The following TRDN variants were observed in gnomAD, a reference collection of about 807,000 sequenced individuals.
TRDN encodes the protein triadin.
In TRDN, 161 loss-of-function variants were observed where a neutral mutation model predicts 149.7. The ratio of observed to expected loss-of-function variants is 1.08; its 90% CI spans 0.95 to 1.23. The LOEUF is 1.23. Among genes scored for constraint, TRDN ranks in the 50% most tolerant of loss-of-function variants. The pLI is 0.00. For synonymous variants in TRDN, 294 were observed against 250.5 expected (o/e 1.17, Z -1.64); for missense variants, 896 against 823.5 (o/e 1.09, Z -1.08).
At position 123,331,817 on chromosome 6, in the gene TRDN, C is replaced by A. The variant is rs1028980382; in HGVS notation, c.1471+62G>T. 4.4e-5 allele frequency: 50 copies of A among 1,130,254 alleles called. No individual in the cohort carries two copies. The African/African-American group carries it at 7.7e-4, about 17-fold the overall frequency. 70.0% of individuals were successfully genotyped at this position (1,130,254 alleles called of 1,614,324 possible). On this transcript the variant is annotated intron_variant, in intron 23 of 40. Coordinates refer to ENST00000334268, the MANE Select transcript of TRDN (RefSeq NM_006073.4). The stretch of plus-strand genomic sequence containing the variant: ...AATGAAATGATTCATTACTTTGTTG[C>A]AAATAACTGAATATGCAAAAGGCAG...
chr6:123,362,120 G>A (rs1780932209), intron 20 of TRDN, among the ~76,000 whole-genome samples: 1 of 152,000 alleles, frequency 6.6e-6, no homozygotes, highest in Admixed American at 6.6e-5. Flanking sequence ...GAACGCTATT[G>A]TCATTAAATT....
intron 38 of TRDN, among the ~76,000 whole-genome samples, chr6:123,243,646 T>C (rs1433376061): frequency 6.6e-6 from 1 of 151,634 alleles, no homozygotes; most frequent in African/African-American, 2.4e-5. Flanking sequence ...ACAAAACACA[T>C]TGGAAACCTT....
At chr6:123,629,996 A>C (rs946245944) in intron 1 of TRDN, among the ~76,000 whole-genome samples, 1 of 152,072 alleles carries the variant, frequency 6.6e-6, no homozygotes, top group African/African-American at 2.4e-5. Flanking sequence ...TAAAAAACCA[A>C]GCCTGTCATT....
intron 19 of TRDN, among the ~76,000 whole-genome samples, chr6:123,366,540 G>A (rs976658839): frequency 1.3e-5 from 2 of 151,232 alleles, no homozygotes; most frequent in African/African-American, 4.9e-5. Context: ...TTTTTTAAAC[G>A]GAGATTGGCT....
chr6:123,388,572 T>G (rs1197537717), intron 13 of TRDN, 21 bp from the exon 14 acceptor site: 7 of 1,575,838 alleles, frequency 4.4e-6, no homozygotes, highest in Admixed American at 1.8e-5. Context: ...GAAAATAGCG[T>G]TAAGGCATAT....
At chr6:123,583,050 G>C (rs1266386995) in intron 1 of TRDN, among the ~76,000 whole-genome samples, 1 of 152,128 alleles carries the variant, frequency 6.6e-6, no homozygotes, top group African/African-American at 2.4e-5. Flanking sequence ...AGGTATAAAA[G>C]GTCTAAGAAT....
intron 7 of TRDN, among the ~76,000 whole-genome samples, chr6:123,510,689 G>A (rs911670928): frequency 6.7e-6 from 1 of 149,116 alleles, no homozygotes; most frequent in Non-Finnish European, 1.5e-5. Context: ...TGTTGCCCAG[G>A]CCGGAGTGCA....
intron 24 of TRDN, among the ~76,000 whole-genome samples, chr6:123,286,324 C>T (rs1391885267): frequency 6.6e-6 from 1 of 151,856 alleles, no homozygotes; most frequent in Non-Finnish European, 1.5e-5. Flanking sequence ...ATAGGTCGGG[C>T]ATGGTGGAAT....
At chr6:123,342,517 A>G (rs1780101962) in intron 21 of TRDN, among the ~76,000 whole-genome samples, 1 of 151,928 alleles carries the variant, frequency 6.6e-6, no homozygotes. Context: ...ACGTATAATG[A>G]TAAAGCATTA....
chr6:123,480,026 A>G (rs1424707496), intron 9 of TRDN, among the ~76,000 whole-genome samples: 3 of 152,076 alleles, frequency 2.0e-5, no homozygotes. Flanking sequence ...TCTTTTTTCA[A>G]TGTCAAAAAT....
chr6:123,269,887 C>G lies in TRDN; in HGVS notation c.1721-21G>C, dbSNP rs779773940. The G allele has an allele frequency of 1.1e-5, 17 of 1,608,744 alleles. No individual in the cohort carries two copies. In the South Asian group the frequency reaches 1.9e-4, roughly 18 times the overall value. ...CTTGGCTGTGGAGAATGGAGGCAAG[C>G]ACATGGCATATTGATGAGTACAAAC... On this transcript the variant is annotated intron_variant, in intron 30 of 40. Coordinates refer to ENST00000334268, the MANE Select transcript of TRDN (RefSeq NM_006073.4).
intron 23 of TRDN, among the ~76,000 whole-genome samples, chr6:123,329,157 C>T (rs1490765198): frequency 6.6e-6 from 1 of 152,076 alleles, no homozygotes; most frequent in Non-Finnish European, 1.5e-5. Context: ...GTCATGAGTC[C>T]TGAACGACAT....
rs1012112935 is a variant in TRDN, at chr6:123,335,125, T to C, written c.1420+2494A>G. The stretch of plus-strand genomic sequence containing the variant: ...AGTCCCTAAAATCTTATAGGTAATA[T>C]TAAAATTTTGTCTTTGATACTTAGT... On this transcript the variant is annotated intron_variant, in intron 22 of 40. Transcript: ENST00000334268. 2.6e-5 allele frequency among the ~76,000 whole-genome samples: 4 copies of C among 152,006 alleles called. 1 individual carries two copies. Among genetic ancestry groups the C allele is most frequent in the Non-Finnish European group, 5.9e-5 (4 of 67,928 alleles).
At chr6:123,302,156 A>G (rs879651977) in intron 24 of TRDN, among the ~76,000 whole-genome samples, 1 of 151,832 alleles carries the variant, frequency 6.6e-6, no homozygotes, top group Non-Finnish European at 1.5e-5. Flanking sequence ...TCTACTGATG[A>G]CAGATATAAA....
At chr6:123,625,573 C>T (rs1454968689) in intron 1 of TRDN, among the ~76,000 whole-genome samples, 2 of 152,076 alleles carry the variant, frequency 1.3e-5, no homozygotes, top group East Asian at 1.9e-4. Context: ...ATTCATTGTA[C>T]ATTTAAAAAT....
intron 21 of TRDN, among the ~76,000 whole-genome samples, chr6:123,344,751 T>G (rs565823151): frequency 6.6e-6 from 1 of 152,130 alleles, no homozygotes; most frequent in South Asian, 2.1e-4. Context: ...TGTGTGCAGG[T>G]TTTTGCATAT....
chr6:123,372,784 T>G (rs1173282697), intron 19 of TRDN, among the ~76,000 whole-genome samples: 1 of 152,192 alleles, frequency 6.6e-6, no homozygotes, highest in Admixed American at 6.5e-5. Flanking sequence ...CTACTTGTTG[T>G]GTCCTCTCCA....
Position 123,274,654 on chromosome 6 carries a change from T to C in TRDN, c.1584A>G (p.Lys528=). 1 of 1,608,494 alleles carries C rather than the reference T, an allele frequency of 6.2e-7. No homozygotes were observed. The highest frequency in any genetic ancestry group is 8.5e-7 in the Non-Finnish European group (1 of 1,176,942). ...KEEKPEPQIK[K]EAKPAISEKV... is the part of the protein sequence containing the mutation. The stretch of plus-strand genomic sequence containing the variant: ...AGCTCATGTTACCTGGTTTTGCTTC[T>C]TTTTTAATTTGGGGCTCTGAGGGAG... Residue 528 remains lysine (K), a synonymous_variant, in exon 27 of 41, where the codon AAA becomes AAG. Transcript: ENST00000334268.
At position 123,593,801 on chromosome 6, in the gene TRDN, G is replaced by C. The variant is rs916834488; in HGVS notation, c.23-22669C>G. Reference sequence around the variant, plus strand: ...ATTAGAACTTCAACATAAGGTTGTGGGAAGATACAATTCAACCTATGACAA... The same window carrying C: ...ATTAGAACTTCAACATAAGGTTGTGCGAAGATACAATTCAACCTATGACAA... On this transcript the variant is annotated intron_variant, in intron 1 of 40. Transcript: ENST00000334268. 1.2e-3 allele frequency among the ~76,000 whole-genome samples: 187 copies of C among 152,202 alleles called. 1 individual carries two copies. Among genetic ancestry groups the C allele is most frequent in the African/African-American group, 4.3e-3 (177 of 41,544 alleles).
Sources: allele counts gnomAD v4.1 joint callset (sites outside exome capture counted in the v4.1 genomes callset), GRCh38; gene constraint gnomAD v4.1.1; transcripts MANE v1.5; gene names NCBI Gene and HGNC (gene_info 2026-07-23, HGNC 2026-07-21).